DSP: variants seen among roughly 807,000 people sequenced by gnomAD.
The protein encoded by DSP is desmoplakin.
A neutral mutation model predicts 290.6 loss-of-function variants in DSP; 114 were observed. The ratio of observed to expected loss-of-function variants is 0.39; its 90% CI spans 0.34 to 0.46. DSP has a LOEUF of 0.46. Among genes scored for constraint, DSP ranks in the 20% least tolerant of loss-of-function variants. The pLI, the probability that DSP is intolerant of heterozygous loss-of-function variation, is 0.99. For missense variants in DSP, 3,230 were observed against 3,495.8 expected (o/e 0.92, Z 1.92); for synonymous variants, 1,311 against 1,316.4 (o/e 1.00, Z 0.09).
chr6:7,572,195 G>T, intron 15 of DSP, 127 bp downstream of exon 15: 1 of 887,750 alleles, frequency 1.1e-6, no homozygotes, highest in South Asian at 1.5e-5. Flanking sequence ...CAGGCTTCTG[G>T]CAGGATTTCC....
chr6:7,542,622 G>A (rs1758033119), intron 1 of DSP, among the ~76,000 whole-genome samples: 1 of 152,072 alleles, frequency 6.6e-6, no homozygotes, highest in Non-Finnish European at 1.5e-5. Flanking sequence ...GGCCACCCAA[G>A]GACGTTTGTA....
intron 3 of DSP, among the ~76,000 whole-genome samples, chr6:7,558,548 T>G (rs1758576067): frequency 1.4e-5 from 2 of 143,140 alleles, no homozygotes; most frequent in East Asian, 2.1e-4. Context: ...AGGGTCTCGC[T>G]CTGTCACCCA....
chr6:7,575,770 G>C (rs892507046), intron 18 of DSP, among the ~76,000 whole-genome samples: 1 of 152,102 alleles, frequency 6.6e-6, no homozygotes, highest in Non-Finnish European at 1.5e-5. Flanking sequence ...ATAAACTCTT[G>C]TTATGACTCT....
intron 1 of DSP, among the ~76,000 whole-genome samples, chr6:7,554,768 C>T (rs1290870675): frequency 2.6e-5 from 4 of 152,116 alleles, no homozygotes; most frequent in Admixed American, 6.6e-5. Context: ...CCTCAGCTGC[C>T]TGAGTAGCTA....
At chr6:7,574,275 T>G (rs781084596) in intron 16 of DSP, 23 bp downstream of exon 16, 1 of 1,611,032 alleles carries the variant, frequency 6.2e-7, no homozygotes, top group East Asian at 2.2e-5. Context: ...AACACTAATC[T>G]CATATTTTCC....
At chr6:7,571,069 G>A (rs566181106) in intron 13 of DSP, among the ~76,000 whole-genome samples, 1 of 152,116 alleles carries the variant, frequency 6.6e-6, no homozygotes, top group African/African-American at 2.4e-5. Flanking sequence ...TACCTTTTGG[G>A]GTCCCCCGAG....
chr6:7,585,750 C>T lies in DSP; in HGVS notation c.8488C>T (p.Arg2830Cys), dbSNP rs1354218745. Residue 2830 changes from arginine (R) to cysteine (C), a missense_variant, in exon 24 of 24, where the codon CGC becomes TGC. Transcript: ENST00000379802. ...GGCTCCGGGGTCCCGCTCCGGCTCC[C>T]GCTCGGGATCTCGCTCCGGATCTCG... Reference protein sequence around the residue: ...SSAPGSRSGSRSGSRSGSRSG... With the variant: ...SSAPGSRSGSCSGSRSGSRSG... The T allele has an allele frequency of 8.1e-6, 13 of 1,609,886 alleles. No individual in the cohort carries two copies. The highest frequency in any genetic ancestry group is 1.1e-5 in the Non-Finnish European group (13 of 1,177,652).
chr6:7,585,408 A>G lies in DSP; in HGVS notation c.8146A>G (p.Lys2716Glu), dbSNP rs1359213819. The change falls in exon 24 of 24, where the codon AAA (lysine) becomes GAA (glutamate). Residue 2716 changes from lysine (K) to glutamate (E), a missense_variant. Physicochemically the swap from Lys to Glu is moderately conservative, Grantham distance 56. Transcript: ENST00000379802. Reference sequence around the variant, plus strand: ...GTCAGCAGCAGAGGCAGTGAAAGAAAAATGGCTCCCGTATGAGGCTGGCCA... The same window carrying G: ...GTCAGCAGCAGAGGCAGTGAAAGAAGAATGGCTCCCGTATGAGGCTGGCCA... ...KMSAAEAVKE[K>E]WLPYEAGQRF... 5 of 1,614,022 alleles carry G rather than the reference A, an allele frequency of 3.1e-6. No individual in the cohort carries two copies. The highest frequency in any genetic ancestry group is 1.3e-5 in the African/African-American group (1 of 74,922).
At chr6:7,545,183 T>A in intron 1 of DSP, among the ~76,000 whole-genome samples, 1 of 152,252 alleles carries the variant, frequency 6.6e-6, no homozygotes, top group Admixed American at 6.5e-5. Flanking sequence ...TCAGATCTCA[T>A]GATTTCAAAA....
At chr6:7,559,705 CGG>C (rs1377897092) in intron 4 of DSP, among the ~76,000 whole-genome samples, 2 of 152,006 alleles carry the variant, frequency 1.3e-5, no homozygotes, top group Non-Finnish European at 2.9e-5. Context: ...TATTGACCAC[CGG>C]AAAGATCTGT....
intron 18 of DSP, among the ~76,000 whole-genome samples, chr6:7,576,012 A>C (rs1305427397): frequency 1.3e-5 from 2 of 152,094 alleles, no homozygotes; most frequent in African/African-American, 4.8e-5. Context: ...ATCATGTTTC[A>C]GTACATCATT....
Position 7,580,961 on chromosome 6 carries a change from A to G in DSP, c.4771A>G (p.Arg1591Gly), listed in dbSNP as rs1399819678. Residue 1591 changes from arginine (R) to glycine (G), a missense_variant, in exon 23 of 24, where the codon AGG (arginine) becomes GGG (glycine). Arg to Gly is a moderately radical substitution (Grantham distance 125). This residue lies in a region of DSP where 1,714 missense variants were observed against 1,844.5 expected (regional missense o/e 0.93). Transcript: ENST00000379802. The surrounding 1 kb of genome is among the most constrained non-coding windows in gnomAD (Gnocchi z 4.2). ...GACCGCGTCAGAAGACTCCTGCAAG[A>G]GGAAGAAGCTGGAGGAAGAGCTGGA... ...KRTASEDSCK[R>G]KKLEEELEGM... 1 of 1,614,120 alleles carries G rather than the reference A, an allele frequency of 6.2e-7. No individual in the cohort carries two copies. The highest frequency in any genetic ancestry group is 8.5e-7 in the Non-Finnish European group (1 of 1,180,018).
In DSP at chr6:7,581,076, G is replaced by GTTCT; in HGVS notation, c.4887_4888insTCTT (p.Glu1630SerfsTer2). 1.2e-6 allele frequency: 2 copies of GTTCT among 1,614,082 alleles called. No individual in the cohort carries two copies. Among genetic ancestry groups the GTTCT allele is most frequent in the Non-Finnish European group, 1.7e-6 (2 of 1,180,026 alleles). On this transcript the variant is annotated frameshift_variant, in exon 23 of 24. Coordinates refer to ENST00000379802, the MANE Select transcript of DSP (RefSeq NM_004415.4). LOFTEE classifies it high-confidence loss of function. The stretch of plus-strand genomic sequence containing the variant: ...CAGGCATCCATTGTTAAGAAGAGGA[G>GTTCT]TGAGGATGACCTCCGGCAGCAGAGG...
Position 7,580,885 on chromosome 6 carries a change from G to A in DSP, c.4695G>A (p.Glu1565=). 1.9e-6 allele frequency: 3 copies of A among 1,614,132 alleles called. No homozygotes were observed. The highest frequency in any genetic ancestry group is 1.7e-6 in the Non-Finnish European group (2 of 1,180,012). The change falls in exon 23 of 24, where the codon GAG becomes GAA. Residue 1565 remains glutamate, a synonymous_variant. Transcript: ENST00000379802. The surrounding 1 kb of genome is among the most constrained non-coding windows in gnomAD (Gnocchi z 4.2). ...DITRFQNSLK[E]LQLQKQKVEE... is the part of the protein sequence containing the mutation. ...CGCGGTTCCAGAACTCTCTGAAAGA[G>A]CTGCAGCTGCAGAAGCAGAAGGTGG...
At chr6:7,553,771 G>A (rs1298914906) in intron 1 of DSP, among the ~76,000 whole-genome samples, 5 of 152,106 alleles carry the variant, frequency 3.3e-5, no homozygotes, top group Admixed American at 6.5e-5. Context: ...TCTTGGTTTC[G>A]AGAGCTGGAT....
Position 7,585,460 on chromosome 6 carries a change from C to T in DSP, c.8198C>T (p.Thr2733Met), listed in dbSNP as rs1561705229. Residue 2733 changes from threonine (T) to methionine (M), a missense_variant, in exon 24 of 24, where the codon ACG becomes ATG. Coordinates refer to ENST00000379802, the MANE Select transcript of DSP (RefSeq NM_004415.4). Reference sequence around the variant, plus strand: ...CGCTTCCTGGAGTTCCAGTACCTCACGGGAGGTCTTGTTGACCCGGAAGTG... The same window carrying T: ...CGCTTCCTGGAGTTCCAGTACCTCATGGGAGGTCTTGTTGACCCGGAAGTG... ...GQRFLEFQYL[T>M]GGLVDPEVHG... 1 of 1,614,138 alleles carries T rather than the reference C, an allele frequency of 6.2e-7. No homozygotes were observed.
At chr6:7,568,921 A>C (rs1344675583) in intron 11 of DSP, among the ~76,000 whole-genome samples, 2 of 152,216 alleles carry the variant, frequency 1.3e-5, no homozygotes, top group African/African-American at 4.8e-5. Context: ...GTTGCATATA[A>C]AGTGAATGTC....
At position 7,583,331 on chromosome 6, in the gene DSP, T is replaced by G; in HGVS notation, c.6069T>G (p.Ala2023=). ...RGAGSIAGAS[A]SPKEKYSLVE... Reference sequence around the variant, plus strand: ...CAGGATCTATCGCTGGAGCATCTGCTTCTCCTAAGGAAAAATACTCTTTGG... The same window carrying G: ...CAGGATCTATCGCTGGAGCATCTGCGTCTCCTAAGGAAAAATACTCTTTGG... The change falls in exon 24 of 24, where the codon GCT becomes GCG. Residue 2023 remains alanine (A), a synonymous_variant. Transcript: ENST00000379802. This position sits in a 1 kb window ranked among gnomAD's most constrained non-coding sequence, Gnocchi z 4.0. 6.2e-7 allele frequency: 1 copy of G among 1,614,208 alleles called. No homozygotes were observed. Among genetic ancestry groups the G allele is most frequent in the Non-Finnish European group, 8.5e-7 (1 of 1,180,046 alleles).
At chr6:7,551,787 A>G (rs2744365) in intron 1 of DSP, among the ~76,000 whole-genome samples, 38,190 of 152,078 alleles carry the variant, frequency 0.25, 5,117 homozygotes, top group African/African-American at 0.33. Context: ...AAGTACAGCG[A>G]GTTCTGTGTG....
Sources: gnomAD v4.1 joint callset for allele counts (sites outside exome capture counted in the v4.1 genomes callset) on GRCh38, gnomAD v4.1.1 for gene constraint, gnomAD v4.1.1 regional missense constraint, Gnocchi (gnomAD v3.1) non-coding constraint, MANE v1.5 for transcripts, NCBI Gene and HGNC (gene_info 2026-07-23, HGNC 2026-07-21) for gene names.